Variants in NKAIN3 observed in about 807,000 individuals in gnomAD.
The protein encoded by NKAIN3 is sodium/potassium-transporting ATPase subunit beta-1-interacting protein 3.
Under a neutral mutation model 30.2 loss-of-function variants are expected in NKAIN3, and 25 were observed. The ratio of observed to expected loss-of-function variants is 0.83; its 90% CI spans 0.60 to 1.16. The LOEUF (loss-of-function observed/expected upper bound fraction) is 1.16. NKAIN3 is among the 50% of genes most tolerant of loss of function. NKAIN3 has a pLI of 0.00. For synonymous variants in NKAIN3, 91 were observed against 89.6 expected (o/e 1.02, Z -0.09); for missense variants, 225 against 254.1 (o/e 0.89, Z 0.78).
intron 1 of NKAIN3, among the ~76,000 whole-genome samples, chr8:62,273,100 A>G (rs1812826391): frequency 6.6e-6 from 1 of 152,180 alleles, no homozygotes; most frequent in Non-Finnish European, 1.5e-5. Context: ...TATTTGTAGA[A>G]ACAGATAGTA....
chr8:62,451,610 C>T (rs529898074), intron 1 of NKAIN3, among the ~76,000 whole-genome samples: 108 of 152,154 alleles, frequency 7.1e-4, no homozygotes, highest in African/African-American at 2.3e-3. Context: ...TTTGTAGAAG[C>T]CTAAGACCTA....
intron 4 of NKAIN3, among the ~76,000 whole-genome samples, chr8:62,831,404 G>T (rs73684098): frequency 0.02 from 3,008 of 152,162 alleles, 89 homozygotes; most frequent in African/African-American, 0.068. Flanking sequence ...TTTCAGAAAT[G>T]ACATGAATAA....
intron 4 of NKAIN3, among the ~76,000 whole-genome samples, chr8:62,788,850 T>C (rs1010995573): frequency 1.3e-5 from 2 of 152,164 alleles, no homozygotes; most frequent in Non-Finnish European, 2.9e-5. Context: ...GTTGTAGATA[T>C]GCGGCATTAT....
intron 4 of NKAIN3, among the ~76,000 whole-genome samples, chr8:62,779,899 G>GA (rs1053248979): frequency 6.6e-6 from 1 of 151,220 alleles, no homozygotes; most frequent in Admixed American, 6.6e-5. Context: ...AAGAACCTAG[G>GA]AAAAAAAGAA....
At chr8:62,579,777 G>T in intron 2 of NKAIN3, 101 bp downstream of exon 2, 2 of 612,714 alleles carry the variant, frequency 3.3e-6, no homozygotes, top group Non-Finnish European at 4.9e-6. Context: ...ATATAATGTG[G>T]CATTGCTTTT....
intron 1 of NKAIN3, among the ~76,000 whole-genome samples, chr8:62,253,908 A>T (rs1812187003): frequency 2.0e-5 from 3 of 152,174 alleles, no homozygotes; most frequent in Admixed American, 6.5e-5. Context: ...TGGTTTTAAT[A>T]GTTCTTTTCT....
Position 62,307,849 on chromosome 8 carries a change from G to T in NKAIN3, c.54+58722G>T, listed in dbSNP as rs149224638. Among the ~76,000 whole-genome samples the T allele has an allele frequency of 6.4e-3, 966 of 150,808 alleles. 49 individuals are homozygous for T. Among genetic ancestry groups the T allele is most frequent in the Admixed American group, 0.053 (810 of 15,228 alleles). ...GGTAAAGTGAGTGGTATCAGGTTGT[G>T]TAGTATGACTGTTTTCACTATACTA... On this transcript the variant is annotated intron_variant, in intron 1 of 6. Transcript: ENST00000623646.
intron 1 of NKAIN3, among the ~76,000 whole-genome samples, chr8:62,513,854 T>C (rs1323693389): frequency 1.9e-5 from 1 of 53,828 alleles, no homozygotes; most frequent in Non-Finnish European, 3.1e-5. Context: ...GTGAAACCTG[T>C]CTCAAAAAAA....
At chr8:62,312,075 AAAAT>A (rs1483554803) in intron 1 of NKAIN3, among the ~76,000 whole-genome samples, 3 of 150,680 alleles carry the variant, frequency 2.0e-5, no homozygotes, top group African/African-American at 7.5e-5. Flanking sequence ...TTCAGAAAAA[AAAAT>A]AAAGGAGAAT....
At chr8:62,944,532 T>A (rs920192678) in intron 5 of NKAIN3, among the ~76,000 whole-genome samples, 1 of 152,208 alleles carries the variant, frequency 6.6e-6, no homozygotes, top group Non-Finnish European at 1.5e-5. Context: ...CATTAATGCT[T>A]TATATTCTTC....
intron 4 of NKAIN3, among the ~76,000 whole-genome samples, chr8:62,814,116 A>C (rs1818586649): frequency 6.6e-6 from 1 of 151,954 alleles, no homozygotes; most frequent in South Asian, 2.1e-4. Context: ...TGTGATTCTG[A>C]GAGAACTTCT....
intron 1 of NKAIN3, among the ~76,000 whole-genome samples, chr8:62,439,747 G>A (rs899887543): frequency 6.6e-6 from 1 of 152,198 alleles, no homozygotes; most frequent in Non-Finnish European, 1.5e-5. Flanking sequence ...CTGTTAATTT[G>A]CATAGAACAA....
chr8:62,767,426 G>T (rs1816876708), intron 4 of NKAIN3, among the ~76,000 whole-genome samples: 1 of 152,162 alleles, frequency 6.6e-6, no homozygotes, highest in Non-Finnish European at 1.5e-5. Flanking sequence ...AGAGAGGAAA[G>T]CAGGGCTGTA....
At chr8:62,419,744 T>C (rs1239894364) in intron 1 of NKAIN3, among the ~76,000 whole-genome samples, 1 of 152,156 alleles carries the variant, frequency 6.6e-6, no homozygotes, top group African/African-American at 2.4e-5. Flanking sequence ...GGAAGAGTCT[T>C]CCTATTTCCT....
rs1260803410 is a variant in NKAIN3, at chr8:62,592,018, A to C, written c.273+2224A>C. Among the ~76,000 whole-genome samples the C allele has an allele frequency of 2.0e-5, 3 of 151,960 alleles. No homozygotes were observed. In the East Asian group the frequency reaches 5.8e-4, roughly 29 times the overall value. On this transcript the variant is annotated intron_variant, in intron 3 of 6. Coordinates refer to ENST00000623646, the MANE Select transcript of NKAIN3 (RefSeq NM_001304533.3). ...ATACTTCTTGGAATTATCCATTTGGATAGATTAATAGAAACCTCCCTATGC... is the reference window on the plus strand; with the variant it reads ...ATACTTCTTGGAATTATCCATTTGGCTAGATTAATAGAAACCTCCCTATGC...
intron 1 of NKAIN3, among the ~76,000 whole-genome samples, chr8:62,486,789 G>A (rs1188811160): frequency 6.6e-6 from 1 of 152,184 alleles, no homozygotes; most frequent in Non-Finnish European, 1.5e-5. Context: ...ATGGCAACTG[G>A]CAACAACTTC....
chr8:62,959,957 T>A (rs1464177266), intron 6 of NKAIN3, among the ~76,000 whole-genome samples: 1 of 152,278 alleles, frequency 6.6e-6, no homozygotes, highest in Admixed American at 6.5e-5. Context: ...CACTCAGGAC[T>A]CGTTGCTTTC....
chr8:62,532,642 C>T (rs1454045839), intron 1 of NKAIN3, among the ~76,000 whole-genome samples: 2 of 152,168 alleles, frequency 1.3e-5, no homozygotes, highest in African/African-American at 4.8e-5. Context: ...GTATTGAGCA[C>T]ATTTTTATAT....
At position 62,536,030 on chromosome 8, in the gene NKAIN3, C is replaced by A. The variant is rs1469772570; in HGVS notation, c.55-43509C>A. Among the ~76,000 whole-genome samples, 3 of 152,054 alleles carry A rather than the reference C, an allele frequency of 2.0e-5. No homozygotes were observed. The East Asian group carries it at 5.8e-4, about 29-fold the overall frequency. ...AACACCAATATATATCCTAACACCA[C>A]ATATGTCATATATGTATATACATAA... On this transcript the variant is annotated intron_variant, in intron 1 of 6. Coordinates refer to ENST00000623646, the MANE Select transcript of NKAIN3 (RefSeq NM_001304533.3).
Sources: gnomAD v4.1 joint callset for allele counts (sites outside exome capture counted in the v4.1 genomes callset) on GRCh38, gnomAD v4.1.1 for gene constraint, MANE v1.5 for transcripts, NCBI Gene and HGNC (gene_info 2026-07-23, HGNC 2026-07-21) for gene names.